CACNA1C: variants seen among roughly 807,000 people sequenced by gnomAD.
The protein encoded by CACNA1C is voltage-dependent L-type calcium channel subunit alpha-1C.
In CACNA1C, 30 loss-of-function variants were observed where a neutral mutation model predicts 229.0. That is an observed-to-expected ratio of 0.13 (90% CI 0.10 to 0.18). The LOEUF (loss-of-function observed/expected upper bound fraction) is 0.18, where lower values mean the gene tolerates loss of function less well. CACNA1C is among the 10% of genes least tolerant of loss of function. The pLI is 1.00. For missense variants in CACNA1C, 1,658 were observed against 2,845.0 expected, an observed-to-expected ratio of 0.58 and a Z score of 9.49; for synonymous variants, 1,114 against 1,132.5, an observed-to-expected ratio of 0.98 and a Z score of 0.33.
rs114828047 is a variant in CACNA1C, at chr12:2,434,324, T to G, written c.478-14652T>G. ...AGACACCCTGGAATTCTAGAACCAC[T>G]AGGGGTTGGGGAAAGGGACATTTCT... On this transcript the variant is annotated intron_variant, in intron 3 of 46. Coordinates refer to ENST00000399655, the MANE Select transcript of CACNA1C (RefSeq NM_000719.7). 4.0e-3 allele frequency among the ~76,000 whole-genome samples: 616 copies of G among 152,304 alleles called. 3 individuals carry two copies. The highest frequency in any genetic ancestry group is 0.014 in the African/African-American group (580 of 41,570).
At chr12:2,077,592 A>G (rs1406542797) in intron 1 of CACNA1C, among the ~76,000 whole-genome samples, 2 of 152,194 alleles carry the variant, frequency 1.3e-5, no homozygotes, top group Non-Finnish European at 2.9e-5. Context: ...AGGAGAGAAT[A>G]GGTTCAAAAT....
intron 3 of CACNA1C, among the ~76,000 whole-genome samples, chr12:2,404,527 C>T (rs1472261581): frequency 4.6e-5 from 7 of 152,070 alleles, no homozygotes; most frequent in African/African-American, 7.2e-5. Flanking sequence ...CATGATCAGA[C>T]GATTTGTTGG....
chr12:2,573,276 G>A (rs1336430964), intron 13 of CACNA1C, among the ~76,000 whole-genome samples: 1 of 152,122 alleles, frequency 6.6e-6, no homozygotes, highest in East Asian at 1.9e-4. Context: ...TGGAACTCCT[G>A]GACTTAAGAG....
At chr12:2,016,246 T>C (rs1391307220) in intron 1 of CACNA1C, among the ~76,000 whole-genome samples, 1 of 152,154 alleles carries the variant, frequency 6.6e-6, no homozygotes, top group Non-Finnish European at 1.5e-5. Flanking sequence ...GCCAAGTACT[T>C]ATCAGGTCCC....
chr12:2,267,641 A>G (rs906601329), intron 3 of CACNA1C, among the ~76,000 whole-genome samples: 1 of 152,230 alleles, frequency 6.6e-6, no homozygotes, highest in Non-Finnish European at 1.5e-5. Flanking sequence ...GAGTTCAGGT[A>G]AAAGAACAGA....
chr12:2,349,201 G>C (rs151261195), intron 3 of CACNA1C, among the ~76,000 whole-genome samples: 2 of 152,194 alleles, frequency 1.3e-5, no homozygotes, highest in Non-Finnish European at 1.5e-5. Flanking sequence ...ACTGGAAAAC[G>C]TCAGAAGGGT....
intron 1 of CACNA1C, among the ~76,000 whole-genome samples, chr12:2,096,640 G>A (rs1216831505): frequency 6.6e-6 from 1 of 152,116 alleles, no homozygotes; most frequent in African/African-American, 2.4e-5. Flanking sequence ...CAATTTAGTG[G>A]CATTAAGTAC....
intron 5 of CACNA1C, among the ~76,000 whole-genome samples, chr12:2,472,973 T>C (rs572671076): frequency 1.5e-4 from 23 of 152,320 alleles, no homozygotes; most frequent in African/African-American, 5.5e-4. Context: ...TGATTTTGGC[T>C]TTGCCAGGAT....
Position 2,438,609 on chromosome 12 carries a change from T to C in CACNA1C, c.478-10367T>C, listed in dbSNP as rs528499624. On this transcript the variant is annotated intron_variant, in intron 3 of 46. Transcript: ENST00000399655. ...GTTTGGGTGTGGTGAGCCTTTGGTG[T>C]GGCTGGAGCACAGAATGTGGCTGGG... Among the ~76,000 whole-genome samples, 64 of 152,060 alleles carry C rather than the reference T, an allele frequency of 4.2e-4. No individual in the cohort carries two copies. In the South Asian group the frequency reaches 0.013, roughly 30 times the overall value.
chr12:1,992,885 G>A (rs529815363), intron 1 of CACNA1C: 1 of 478,066 alleles, frequency 2.1e-6, no homozygotes, highest in Admixed American at 3.7e-5. Context: ...TAAAGAAAAA[G>A]TGCCATAGCA....
chr12:2,296,897 C>A (rs985117547), intron 3 of CACNA1C, among the ~76,000 whole-genome samples: 1 of 152,200 alleles, frequency 6.6e-6, no homozygotes, highest in East Asian at 1.9e-4. Flanking sequence ...AAAACTTTAC[C>A]TGGCTAACAC....
intron 3 of CACNA1C, among the ~76,000 whole-genome samples, chr12:2,234,401 C>G (rs2066508417): frequency 6.6e-6 from 1 of 152,212 alleles, no homozygotes; most frequent in South Asian, 2.1e-4. Context: ...GCCAGGCACT[C>G]TGTGGTCAAA....
chr12:2,465,447 G>A (rs4765938), intron 5 of CACNA1C, among the ~76,000 whole-genome samples: 98,641 of 152,020 alleles, frequency 0.65, 32,707 homozygotes, highest in East Asian at 0.86. Context: ...AACAGGCAGG[G>A]ATGGGGATGG....
At chr12:2,637,360 G>A (rs111763019) in intron 30 of CACNA1C, among the ~76,000 whole-genome samples, 10 of 152,298 alleles carry the variant, frequency 6.6e-5, no homozygotes, top group East Asian at 3.9e-4. Context: ...GGTGTCACTC[G>A]GAGGGCCTAG....
At chr12:1,993,897 T>G (rs750531892) in intron 1 of CACNA1C, among the ~76,000 whole-genome samples, 1 of 152,222 alleles carries the variant, frequency 6.6e-6, no homozygotes, top group Non-Finnish European at 1.5e-5. Flanking sequence ...CTTAGTGATA[T>G]GAAGCAACTC....
chr12:1,976,525 TC>T (rs2034415091), intron 1 of CACNA1C, among the ~76,000 whole-genome samples: 1 of 152,182 alleles, frequency 6.6e-6, no homozygotes, highest in African/African-American at 2.4e-5. Context: ...CGGCTCCCAT[TC>T]CTCACTGCTC....
intron 3 of CACNA1C, among the ~76,000 whole-genome samples, chr12:2,252,065 C>G (rs541995982): frequency 1.4e-4 from 21 of 152,320 alleles, no homozygotes; most frequent in African/African-American, 4.3e-4. Context: ...GTAGCCCACT[C>G]CATGTCTGTC....
At chr12:2,404,528 G>A (rs911427821) in intron 3 of CACNA1C, among the ~76,000 whole-genome samples, 1 of 152,078 alleles carries the variant, frequency 6.6e-6, no homozygotes, top group Non-Finnish European at 1.5e-5. Context: ...ATGATCAGAC[G>A]ATTTGTTGGA....
Position 2,608,453 on chromosome 12 carries a change from TC to T in CACNA1C, c.3357-56del. The T allele has an allele frequency of 5.9e-6, 8 of 1,356,598 alleles. 1 individual carries two copies. The South Asian group carries it at 9.5e-5, about 16-fold the overall frequency. 84.0% of individuals were successfully genotyped at this position (1,356,598 alleles called of 1,614,324 possible). The stretch of plus-strand genomic sequence containing the variant: ...ATCCCTGGAGCAGTGGTGCCGTCCT[TC>T]CGCAGAGGGGACCCTGCTTCTCCAG... On this transcript the variant is annotated intron_variant, in intron 26 of 46. Coordinates refer to ENST00000399655, the MANE Select transcript of CACNA1C (RefSeq NM_000719.7). This position sits in a 1 kb window ranked among gnomAD's most constrained non-coding sequence, Gnocchi z 4.2.
Sources: gnomAD v4.1 joint callset for allele counts (sites outside exome capture counted in the v4.1 genomes callset) on GRCh38, gnomAD v4.1.1 for gene constraint, Gnocchi (gnomAD v3.1) non-coding constraint, MANE v1.5 for transcripts, NCBI Gene and HGNC (gene_info 2026-07-23, HGNC 2026-07-21) for gene names.